PTPRD: variants seen among roughly 807,000 people sequenced by gnomAD.
PTPRD encodes receptor-type tyrosine-protein phosphatase delta.
In PTPRD, 34 loss-of-function variants were observed where a neutral mutation model predicts 214.5. That is an observed-to-expected ratio of 0.16 (90% confidence interval 0.12 to 0.21). PTPRD has a LOEUF of 0.21. PTPRD is among the 10% of genes least tolerant of loss of function. The pLI, the probability that PTPRD is intolerant of heterozygous loss-of-function variation, is 1.00. For missense variants in PTPRD, 2,545 were observed against 2,398.7 expected, an observed-to-expected ratio of 1.06 and a Z score of -1.27; for synonymous variants, 1,128 against 845.7, an observed-to-expected ratio of 1.33 and a Z score of -5.79.
At chr9:10,285,865 T>A (rs1343638672) in intron 3 of PTPRD, among the ~76,000 whole-genome samples, 1 of 152,042 alleles carries the variant, frequency 6.6e-6, no homozygotes, top group African/African-American at 2.4e-5. Flanking sequence ...CGCCTCGGCC[T>A]CCCAAAGTGC....
intron 9 of PTPRD, among the ~76,000 whole-genome samples, chr9:9,304,217 G>T (rs2135048001): frequency 6.6e-6 from 1 of 152,214 alleles, no homozygotes; most frequent in Non-Finnish European, 1.5e-5. Flanking sequence ...GTGACATATA[G>T]TATAATAGAG....
At chr9:9,519,369 A>T (rs907918564) in intron 8 of PTPRD, among the ~76,000 whole-genome samples, 1 of 151,934 alleles carries the variant, frequency 6.6e-6, no homozygotes, top group African/African-American at 2.4e-5. Flanking sequence ...ATGAAACAAA[A>T]AAAACCAGAG....
At chr9:8,759,032 GTT>G (rs545532961) in intron 11 of PTPRD, among the ~76,000 whole-genome samples, 2 of 139,964 alleles carry the variant, frequency 1.4e-5, no homozygotes. Flanking sequence ...TTGGTTTTGG[GTT>G]TTTTTTTTTT....
At chr9:10,006,383 T>C (rs2096476700) in intron 4 of PTPRD, among the ~76,000 whole-genome samples, 1 of 151,960 alleles carries the variant, frequency 6.6e-6, no homozygotes, top group South Asian at 2.1e-4. Context: ...TATATGCTGA[T>C]CCCACTTACT....
intron 8 of PTPRD, among the ~76,000 whole-genome samples, chr9:9,431,694 C>T (rs1015958184): frequency 7.9e-5 from 12 of 151,912 alleles, no homozygotes; most frequent in African/African-American, 2.9e-4. Context: ...GAAAATGTGG[C>T]ACATATACAC....
At chr9:9,340,799 A>G (rs2046486426) in intron 9 of PTPRD, among the ~76,000 whole-genome samples, 1 of 152,240 alleles carries the variant, frequency 6.6e-6, no homozygotes, top group African/African-American at 2.4e-5. Flanking sequence ...TTCACTTAAA[A>G]ATAAATTTCA....
At chr9:9,153,395 G>A (rs2099878521) in intron 10 of PTPRD, among the ~76,000 whole-genome samples, 1 of 152,124 alleles carries the variant, frequency 6.6e-6, no homozygotes, top group Non-Finnish European at 1.5e-5. Flanking sequence ...ATGTGTGTGA[G>A]GATGTATGTT....
intron 2 of PTPRD, among the ~76,000 whole-genome samples, chr9:10,366,344 G>A (rs1256425303): frequency 6.6e-6 from 1 of 152,154 alleles, no homozygotes; most frequent in Non-Finnish European, 1.5e-5. Flanking sequence ...ATAAAGGTGA[G>A]AAAGTTTGCA....
At chr9:9,968,271 G>A (rs969646527) in intron 4 of PTPRD, among the ~76,000 whole-genome samples, 56 of 152,150 alleles carry the variant, frequency 3.7e-4, no homozygotes, top group African/African-American at 1.3e-3. Flanking sequence ...GAGGAACAGA[G>A]CTGATTTGAC....
intron 3 of PTPRD, among the ~76,000 whole-genome samples, chr9:10,251,793 G>A (rs2092797067): frequency 6.6e-6 from 1 of 152,082 alleles, no homozygotes; most frequent in African/African-American, 2.4e-5. Context: ...TCTCTTATTT[G>A]TGGAATCTGA....
At chr9:8,804,385 C>A in intron 11 of PTPRD, among the ~76,000 whole-genome samples, 1 of 151,882 alleles carries the variant, frequency 6.6e-6, no homozygotes, top group East Asian at 1.9e-4. Context: ...ATCACTAGAA[C>A]CCACAAATTT....
At chr9:9,494,159 G>A (rs909152064) in intron 8 of PTPRD, among the ~76,000 whole-genome samples, 4 of 152,170 alleles carry the variant, frequency 2.6e-5, no homozygotes, top group Admixed American at 2.6e-4. Flanking sequence ...ATGAGGAGTT[G>A]CTTCTTATAA....
At chr9:9,316,917 C>A (rs1158319566) in intron 9 of PTPRD, among the ~76,000 whole-genome samples, 1 of 151,584 alleles carries the variant, frequency 6.6e-6, no homozygotes, top group African/African-American at 2.4e-5. Flanking sequence ...GGAACAAACT[C>A]TCTGTCTCTA....
chr9:10,198,603 G>A lies in PTPRD; in HGVS notation c.-545+142360C>T, dbSNP rs74803760. Among the ~76,000 whole-genome samples, 1,044 of 152,220 alleles carry A rather than the reference G, an allele frequency of 6.9e-3. 10 individuals carry two copies. The highest frequency in any genetic ancestry group is 0.024 in the African/African-American group (987 of 41,558). On this transcript the variant is annotated intron_variant, in intron 3 of 45. Transcript: ENST00000381196. ...AGGACTGTTAGAGGCAAGGACAAAG[G>A]TAACATTGAAAGGATAAAATGAAAT...
intron 8 of PTPRD, among the ~76,000 whole-genome samples, chr9:9,500,070 C>G (rs1406547089): frequency 6.6e-6 from 1 of 152,076 alleles, no homozygotes; most frequent in Non-Finnish European, 1.5e-5. Context: ...TTTGAATGGG[C>G]TGTAAAAAAC....
At chr9:10,292,714 C>T (rs770831054) in intron 3 of PTPRD, among the ~76,000 whole-genome samples, 6 of 151,560 alleles carry the variant, frequency 4.0e-5, no homozygotes, top group Non-Finnish European at 1.5e-5. Context: ...AAATCATACA[C>T]TAATTAATTT....
At chr9:8,345,959 A>G (rs10511492) in intron 39 of PTPRD, among the ~76,000 whole-genome samples, 7,864 of 152,156 alleles carry the variant, frequency 0.052, 239 homozygotes, top group South Asian at 0.16. Flanking sequence ...TTCTCTCAGT[A>G]GTAGTCTCCA....
chr9:9,139,036 G>C (rs2099855707), intron 10 of PTPRD, among the ~76,000 whole-genome samples: 1 of 152,014 alleles, frequency 6.6e-6, no homozygotes, highest in Non-Finnish European at 1.5e-5. Context: ...AGCAGAGCCA[G>C]GATAGACTCT....
At chr9:10,535,104 G>T (rs1356368751) in intron 2 of PTPRD, among the ~76,000 whole-genome samples, 1 of 152,060 alleles carries the variant, frequency 6.6e-6, no homozygotes, top group African/African-American at 2.4e-5. Flanking sequence ...TGAATGTCAG[G>T]AACTGACTAA....
Sources: gnomAD v4.1 joint callset for allele counts (sites outside exome capture counted in the v4.1 genomes callset) on GRCh38, gnomAD v4.1.1 for gene constraint, MANE v1.5 for transcripts, NCBI Gene and HGNC (gene_info 2026-07-23, HGNC 2026-07-21) for gene names.